Variants in CEP250 observed in about 807,000 individuals in gnomAD.
CEP250 encodes the protein centrosome-associated protein CEP250.
Under a neutral mutation model 315.7 loss-of-function variants are expected in CEP250, and 242 were observed. The ratio of observed to expected loss-of-function variants is 0.77; its 90% confidence interval spans 0.69 to 0.85. CEP250 has a LOEUF of 0.85. Ranked by LOEUF, CEP250 falls within the 40% of genes least tolerant of loss-of-function variation. The pLI is 0.00. For synonymous variants in CEP250, 1,088 were observed against 1,175.0 expected (o/e 0.93, Z 1.51); for missense variants, 2,515 against 2,886.4 (o/e 0.87, Z 2.95).
In CEP250 at chr20:35,491,244, C is replaced by T. The variant is rs2063682375; in HGVS notation, c.2787C>T (p.Ser929=). ...TGGAAACAGAGAAGGAGAGAGTATCCCTCCTGGAGACACTGCTGCAGACGC... is the reference window on the plus strand; with the variant it reads ...TGGAAACAGAGAAGGAGAGAGTATCTCTCCTGGAGACACTGCTGCAGACGC... The part of the protein sequence containing the change: ...MQLETEKERV[S]LLETLLQTQK... Residue 929 remains serine (S), a synonymous_variant, in exon 22 of 35, where the codon TCC becomes TCT. Coordinates refer to ENST00000397527, the MANE Select transcript of CEP250 (RefSeq NM_007186.6). 6.2e-7 allele frequency: 1 copy of T among 1,610,468 alleles called. No individual in the cohort carries two copies. The highest frequency in any genetic ancestry group is 1.3e-5 in the African/African-American group (1 of 74,934).
rs1035792670 is a variant in CEP250 at position 35,501,697 on chromosome 20, C to G, written c.3899-148C>G. On this transcript the variant is annotated intron_variant, in intron 28 of 34. Coordinates refer to ENST00000397527, the MANE Select transcript of CEP250 (RefSeq NM_007186.6). ...TGCCAGCTCTTGATGTCCTTGATAT[C>G]TCTAGGACACTGGATATAATTTTCT... 4.7e-6 allele frequency: 4 copies of G among 860,010 alleles called. No individual in the cohort carries two copies. The Admixed American group carries it at 1.2e-4, about 25-fold the overall frequency. 53.3% of individuals were successfully genotyped at this position (860,010 alleles called of 1,614,324 possible).
chr20:35,490,532 TCA>T, intron 20 of CEP250, 103 bp from the exon 21 acceptor site: 1 of 999,838 alleles, frequency 1.0e-6, no homozygotes. Context: ...GGTACCAAGG[TCA>T]CCCCACTAGT....
Position 35,467,427 on chromosome 20 carries a change from G to A in CEP250, c.723G>A (p.Arg241=). The change falls in exon 9 of 35, where the codon CGG becomes CGA. Residue 241 remains arginine (R), a synonymous_variant. Coordinates refer to ENST00000397527, the MANE Select transcript of CEP250 (RefSeq NM_007186.6). ...EPNGSGRMDG[R]EPAQLLLLLA... is the part of the protein sequence containing the mutation. ...ACGGATCTGGAAGAATGGATGGGCG[G>A]GAGCCGGCCCAGCTGCTGCTGCTAC... The A allele has an allele frequency of 6.2e-7, 1 of 1,614,204 alleles. No homozygotes were observed. The highest frequency in any genetic ancestry group is 1.3e-5 in the African/African-American group (1 of 75,050).
intron 16 of CEP250, 121 bp downstream of exon 16, chr20:35,476,716 CAA>C: frequency 1.2e-6 from 1 of 824,308 alleles, no homozygotes; most frequent in Non-Finnish European, 1.9e-6. Flanking sequence ...CAGAGGAGAG[CAA>C]AGACTGTAAG....
At chr20:35,475,427 A>T in intron 14 of CEP250, 75 bp from the exon 15 acceptor site, 1 of 1,456,552 alleles carries the variant, frequency 6.9e-7, no homozygotes, top group Non-Finnish European at 9.4e-7. Flanking sequence ...AGCAAAGGTG[A>T]TTATATTCCT....
Position 35,490,674 on chromosome 20 carries a change from A to G in CEP250, c.2624A>G (p.Lys875Arg). 1 of 1,613,728 alleles carries G rather than the reference A, an allele frequency of 6.2e-7. No individual in the cohort carries two copies. The highest frequency in any genetic ancestry group is 8.5e-7 in the Non-Finnish European group (1 of 1,179,894). ...ERSWHQQELA[K>R]ALESLEREKM... ...TCCTGGCACCAGCAGGAGCTGGCAA[A>G]GGCTCTGGAGAGCTTAGAAAGGGAA... is the stretch of plus-strand genomic sequence containing the variant. Residue 875 changes from lysine to arginine, a missense_variant, in exon 21 of 35, where the codon AAG becomes AGG. Transcript: ENST00000397527.
At chr20:35,480,891 TA>T in intron 20 of CEP250, among the ~76,000 whole-genome samples, 1 of 152,114 alleles carries the variant, frequency 6.6e-6, no homozygotes, top group Middle Eastern at 3.2e-3. Flanking sequence ...TGGCCATTTT[TA>T]TATCTTTTAG....
Position 35,503,410 on chromosome 20 carries a change from C to G in CEP250, c.5041C>G (p.Leu1681Val). The G allele has an allele frequency of 1.9e-6, 3 of 1,614,170 alleles. No individual in the cohort carries two copies. In the South Asian group the frequency reaches 3.3e-5, roughly 18 times the overall value. ...EDQRTRQTKILEEDLEQIKLS... is the reference protein window; with the variant it reads ...EDQRTRQTKIVEEDLEQIKLS... ...TCAGAGGACCCGGCAGACCAAGATCCTGGAGGAGGACCTGGAACAGATCAA... is the reference window on the plus strand; with the variant it reads ...TCAGAGGACCCGGCAGACCAAGATCGTGGAGGAGGACCTGGAACAGATCAA... Residue 1681 changes from leucine (L) to valine (V), a missense_variant, in exon 30 of 35, where the codon CTG becomes GTG. Transcript: ENST00000397527. The surrounding 1 kb of genome is among the most constrained non-coding windows in gnomAD (Gnocchi z 4.2).
rs2236159 is a variant in CEP250, at chr20:35,514,360, T to C, written c.*2734T>C. The stretch of plus-strand genomic sequence containing the variant: ...GAGCTCAGCCACAGAGATTATCTTC[T>C]TGCAGAAAACTTTTTTCCCCCTTCC... On this transcript the variant is annotated 3_prime_UTR_variant, in exon 35 of 35. Coordinates refer to ENST00000397527, the MANE Select transcript of CEP250 (RefSeq NM_007186.6). 0.32 allele frequency: 48,827 copies of C among 152,236 alleles called. 8,720 individuals are homozygous for C. Among genetic ancestry groups the C allele is most frequent in the South Asian group, 0.5 (2,398 of 4,824 alleles). 9.4% of individuals were successfully genotyped at this position (152,236 alleles called of 1,614,324 possible). A position where few individuals can be genotyped will look rare whatever the true frequency, so the allele number is the denominator to read the frequency against.
intron 20 of CEP250, among the ~76,000 whole-genome samples, chr20:35,484,545 C>T (rs936624893): frequency 6.6e-6 from 1 of 152,024 alleles, no homozygotes; most frequent in African/African-American, 2.4e-5. Flanking sequence ...TTTCTCCCTT[C>T]CTCCCCATGT....
chr20:35,504,952 A>G lies in CEP250; in HGVS notation c.6583A>G (p.Met2195Val), dbSNP rs990591668. 1 of 1,613,970 alleles carries G rather than the reference A, an allele frequency of 6.2e-7. No individual in the cohort carries two copies. The highest frequency in any genetic ancestry group is 1.1e-5 in the South Asian group (1 of 91,078). Residue 2195 changes from methionine to valine, a missense_variant, in exon 30 of 35, where the codon ATG becomes GTG. Coordinates refer to ENST00000397527, the MANE Select transcript of CEP250 (RefSeq NM_007186.6). ...TGTCAGCAGTCTGCAGGAGGTAGCC[A>G]TGTTCCTACAAGCCTCTGTCCTGGA... ...ASVSSLQEVA[M>V]FLQASVLERD... is the part of the protein sequence containing the mutation.
In CEP250 at chr20:35,494,573, T is replaced by C. The variant is rs116895236; in HGVS notation, c.3083T>C (p.Leu1028Pro). The C allele has an allele frequency of 8.7e-6, 14 of 1,614,102 alleles. No homozygotes were observed. In the East Asian group the frequency reaches 1.3e-4, roughly 15 times the overall value. ...QLVAQDDSQR[L>P]VEQEVQEKLR... ...GTGGCCCAGGATGACTCCCAGAGGC[T>C]GGTGGAGCAGGAGGTTCAGGAGAAG... The change falls in exon 24 of 35, where the codon CTG becomes CCG. Residue 1028 changes from leucine to proline, a missense_variant. Coordinates refer to ENST00000397527, the MANE Select transcript of CEP250 (RefSeq NM_007186.6).
rs1158652374 is a variant in CEP250, at chr20:35,516,225, C to T, written c.*4599C>T. The T allele has an allele frequency of 6.6e-6, 1 of 152,174 alleles. No homozygotes were observed. Among genetic ancestry groups the T allele is most frequent in the African/African-American group, 2.4e-5 (1 of 41,440 alleles). The allele number at this position is 152,174 out of a possible 1,614,324, so 9.4% of individuals were successfully genotyped here. The stretch of plus-strand genomic sequence containing the variant: ...CAGCACATGGCCATTTATTTAGAGC[C>T]AGGGAGGGGGACGAGAATTCATATT... On this transcript the variant is annotated 3_prime_UTR_variant, in exon 35 of 35. Coordinates refer to ENST00000397527, the MANE Select transcript of CEP250 (RefSeq NM_007186.6).
Position 35,478,299 on chromosome 20 carries a change from G to A in CEP250, c.2094+198G>A, listed in dbSNP as rs1333201231. 7.2e-5 allele frequency among the ~76,000 whole-genome samples: 11 copies of A among 152,214 alleles called. No individual in the cohort carries two copies. In the East Asian group the frequency reaches 2.1e-3, roughly 29 times the overall value. Reference sequence around the variant, plus strand: ...TTCTTCACTGAGGCTGGGCGCAGTGGCTCATGCCTGTAATCCCAGCACTTT... The same window carrying A: ...TTCTTCACTGAGGCTGGGCGCAGTGACTCATGCCTGTAATCCCAGCACTTT... On this transcript the variant is annotated intron_variant, in intron 17 of 34. Transcript: ENST00000397527.
In CEP250 at chr20:35,504,390, C is replaced by T; in HGVS notation, c.6021C>T (p.Ala2007=). The change falls in exon 30 of 35, where the codon GCC becomes GCT. Residue 2007 remains alanine (A), a synonymous_variant. Transcript: ENST00000397527. ...CAACCCTGCAAGCCTCCCTGGATGC[C>T]TGCCAGGCACACAGTCGGCAGCTGG... ...STATLQASLD[A]CQAHSRQLEE... 2 of 1,603,186 alleles carry T rather than the reference C, an allele frequency of 1.2e-6. No individual in the cohort carries two copies. The highest frequency in any genetic ancestry group is 1.7e-6 in the Non-Finnish European group (2 of 1,174,926).
rs1253151010 is a variant in CEP250 at position 35,494,610 on chromosome 20, C to T, written c.3120C>T (p.Thr1040=). 1 of 1,613,862 alleles carries T rather than the reference C, an allele frequency of 6.2e-7. No individual in the cohort carries two copies. The highest frequency in any genetic ancestry group is 1.3e-5 in the African/African-American group (1 of 74,860). Residue 1040 remains threonine (T), a synonymous_variant, in exon 24 of 35, where the codon ACC becomes ACT. Transcript: ENST00000397527. ...EQEVQEKLRE[T]QEYNRIQKEL... ...AGGTTCAGGAGAAGCTGAGAGAGAC[C>T]CAGGAGTATAACCGAATTCAGAAGG... is the stretch of plus-strand genomic sequence containing the variant.
At chr20:35,464,303 T>G (rs866857675) in intron 5 of CEP250, among the ~76,000 whole-genome samples, 41 of 152,272 alleles carry the variant, frequency 2.7e-4, no homozygotes, top group Middle Eastern at 6.8e-3. Flanking sequence ...TTTTTGTTTG[T>G]TTGGTTGGTT....
At chr20:35,479,799 C>T (rs1264069652) in intron 19 of CEP250, 26 bp downstream of exon 19, 17 of 1,613,710 alleles carry the variant, frequency 1.1e-5, no homozygotes, top group Non-Finnish European at 1.4e-5. Context: ...GGATGGGATG[C>T]ACTCCATTCC....
Position 35,507,589 on chromosome 20 carries a change from A to G in CEP250, c.6637-149A>G, listed in dbSNP as rs2064222951. 4.5e-6 allele frequency: 3 copies of G among 664,236 alleles called. No individual in the cohort carries two copies. The South Asian group carries it at 5.2e-5, about 12-fold the overall frequency. 41.1% of individuals were successfully genotyped at this position (664,236 alleles called of 1,614,324 possible). A position where few individuals can be genotyped will look rare whatever the true frequency, so the allele number is the denominator to read the frequency against. The stretch of plus-strand genomic sequence containing the variant: ...CTTTGTTTTACCTATCTGTAAAATG[A>G]AGGTTCTGTACTAGAATGACTCAGA... On this transcript the variant is annotated intron_variant, in intron 30 of 34. Coordinates refer to ENST00000397527, the MANE Select transcript of CEP250 (RefSeq NM_007186.6).
Sources: allele counts gnomAD v4.1 joint callset (sites outside exome capture counted in the v4.1 genomes callset), GRCh38; gene constraint gnomAD v4.1.1; non-coding constraint Gnocchi (gnomAD v3.1); transcripts MANE v1.5; gene names NCBI Gene and HGNC (gene_info 2026-07-23, HGNC 2026-07-21).